Variants in GPI observed in about 807,000 individuals in gnomAD.
GPI encodes glucose-6-phosphate isomerase.
GPI carries 56 observed loss-of-function variants against 75.8 expected under a neutral mutation model. The ratio of observed to expected loss-of-function variants is 0.74; its 90% CI spans 0.60 to 0.92. The LOEUF (loss-of-function observed/expected upper bound fraction) is 0.92. Ranked by LOEUF, GPI falls within the 40% of genes least tolerant of loss-of-function variation. GPI has a pLI of 0.00. For missense variants in GPI, 638 were observed against 741.0 expected, an observed-to-expected ratio of 0.86 and a Z score of 1.61; for synonymous variants, 288 against 285.4, an observed-to-expected ratio of 1.01 and a Z score of -0.09.
At position 34,399,250 on chromosome 19, in the gene GPI, G is replaced by C. The variant is rs754628637; in HGVS notation, c.1313G>C (p.Arg438Thr). ...NFLAQTEALM[R>T]GKSTEEARKE... ...TTGGCCCAGACAGAGGCCCTGATGA[G>C]GGGAAAATCGACGGAGGAGGCCCGA... Residue 438 changes from arginine to threonine, a missense_variant, in exon 15 of 18, where the codon AGG becomes ACG. Arg to Thr is a moderately conservative substitution (Grantham distance 71). Coordinates refer to ENST00000356487, the MANE Select transcript of GPI (RefSeq NM_000175.5). 67 of 1,613,788 alleles carry C rather than the reference G, an allele frequency of 4.2e-5. No individual in the cohort carries two copies. The highest frequency in any genetic ancestry group is 5.6e-5 in the Non-Finnish European group (66 of 1,180,002).
chr19:34,379,439 T>A, intron 7 of GPI, 79 bp from the exon 8 acceptor site: 1 of 1,220,500 alleles, frequency 8.2e-7, no homozygotes, highest in Non-Finnish European at 1.2e-6. Context: ...ATGCAGGGCC[T>A]TGGTTCCTCT....
At chr19:34,390,398 G>T (rs2074803980) in intron 9 of GPI, among the ~76,000 whole-genome samples, 1 of 152,152 alleles carries the variant, frequency 6.6e-6, no homozygotes, top group Non-Finnish European at 1.5e-5. Context: ...AGACTGAGAA[G>T]GTGGGTCCTG....
Position 34,400,110 on chromosome 19 carries a change from C to A in GPI, c.*74C>A. The A allele has an allele frequency of 6.7e-7, 1 of 1,501,000 alleles. No homozygotes were observed. Among genetic ancestry groups the A allele is most frequent in the Non-Finnish European group, 9.2e-7 (1 of 1,091,326 alleles). The allele number at this position is 1,501,000 out of a possible 1,614,324, so 93.0% of individuals were successfully genotyped here. ...TCCCTCCTCCCCGGAGCCGGCACTG[C>A]ATGTTCCTGGACACCACCCAGAGCA... is the stretch of plus-strand genomic sequence containing the variant. On this transcript the variant is annotated 3_prime_UTR_variant, in exon 18 of 18. Coordinates refer to ENST00000356487, the MANE Select transcript of GPI (RefSeq NM_000175.5).
chr19:34,398,923 T>C lies in GPI; in HGVS notation c.1270-284T>C, dbSNP rs965933007. 7 of 296,328 alleles carry C rather than the reference T, an allele frequency of 2.4e-5. 1 individual carries two copies. The South Asian group carries it at 2.4e-4, about 10-fold the overall frequency. 18.4% of individuals were successfully genotyped at this position (296,328 alleles called of 1,614,324 possible). A position where few individuals can be genotyped will look rare whatever the true frequency, so the allele number is the denominator to read the frequency against. On this transcript the variant is annotated intron_variant, in intron 14 of 17. Transcript: ENST00000356487. The stretch of plus-strand genomic sequence containing the variant: ...GGTTTCACCATGTTGGTCAGGCTGG[T>C]CTCGAGCTCCTGACCTCGTGGTCCA...
intron 14 of GPI, chr19:34,397,765 C>T (rs1202811356): frequency 1.3e-5 from 2 of 151,456 alleles, no homozygotes; most frequent in Admixed American, 6.6e-5. Flanking sequence ...CCTCGGCCTC[C>T]CAAAGTTTTG....
chr19:34,378,553 T>G (rs2074587436), intron 6 of GPI, among the ~76,000 whole-genome samples: 1 of 152,098 alleles, frequency 6.6e-6, no homozygotes, highest in Non-Finnish European at 1.5e-5. Context: ...CATGCCCTGA[T>G]AATAGAGGGG....
chr19:34,378,643 T>C (rs1464291927), intron 6 of GPI, among the ~76,000 whole-genome samples: 1 of 152,236 alleles, frequency 6.6e-6, no homozygotes. Context: ...AATTCTGAGA[T>C]ACCTTCCAGC....
chr19:34,392,953 G>A (rs1253702542), intron 9 of GPI: 6 of 465,088 alleles, frequency 1.3e-5, no homozygotes, highest in Non-Finnish European at 2.4e-5. Flanking sequence ...GTGGGCCCTG[G>A]CACAGGTATG....
Position 34,379,000 on chromosome 19 carries a change from A to G in GPI, c.700A>G (p.Lys234Glu). 1 of 1,613,920 alleles carries G rather than the reference A, an allele frequency of 6.2e-7. No homozygotes were observed. Among genetic ancestry groups the G allele is most frequent in the Non-Finnish European group, 8.5e-7 (1 of 1,179,798 alleles). ...GAAGGAGTGGTTTCTCCAGGCGGCC[A>G]AGGATGTGAGTGGGCTATAGGGCCT... ...TAKEWFLQAA[K>E]DPSAVAKHFV... Residue 234 changes from lysine to glutamate, a missense_variant, in exon 7 of 18, where the codon AAG (lysine) becomes GAG (glutamate). Coordinates refer to ENST00000356487, the MANE Select transcript of GPI (RefSeq NM_000175.5).
At chr19:34,394,934 G>A (rs571082017) in intron 12 of GPI, among the ~76,000 whole-genome samples, 2 of 152,036 alleles carry the variant, frequency 1.3e-5, no homozygotes, top group South Asian at 4.2e-4. Context: ...GGCTGGTTTC[G>A]AACTCCTGGC....
intron 14 of GPI, among the ~76,000 whole-genome samples, chr19:34,397,087 A>G (rs1405154454): frequency 6.6e-6 from 1 of 152,058 alleles, no homozygotes; most frequent in African/African-American, 2.4e-5. Context: ...CTGGGATTAT[A>G]GGCATGAGCC....
At chr19:34,384,034 A>G (rs8191402) in intron 9 of GPI, among the ~76,000 whole-genome samples, 5 of 152,166 alleles carry the variant, frequency 3.3e-5, no homozygotes, top group Non-Finnish European at 7.4e-5. Flanking sequence ...CTGAGGAGCC[A>G]AGACTGTACT....
chr19:34,399,606 AC>A lies in GPI; in HGVS notation c.1451del (p.Pro484HisfsTer42). ...TNSIVFTKLT[P>X]FMLGALVAMY... Reference sequence around the variant, plus strand: ...ACTCTATTGTGTTCACCAAGCTCACACCATTCATGCTTGGAGCCTTGGTCGG... The same window carrying A: ...ACTCTATTGTGTTCACCAAGCTCACACATTCATGCTTGGAGCCTTGGTCGG... On this transcript the variant is annotated frameshift_variant, in exon 16 of 18. Transcript: ENST00000356487. LOFTEE classifies it high-confidence loss of function. 6.2e-7 allele frequency: 1 copy of A among 1,614,122 alleles called. No individual in the cohort carries two copies. The highest frequency in any genetic ancestry group is 2.2e-5 in the East Asian group (1 of 44,878).
At chr19:34,379,061 G>GT in intron 7 of GPI, 56 bp downstream of exon 7, 1 of 1,474,166 alleles carries the variant, frequency 6.8e-7, no homozygotes, top group Non-Finnish European at 9.5e-7. Context: ...GAAGAGCAGG[G>GT]TGGGCCCCTG....
At chr19:34,380,136 A>G (rs1279894265) in intron 8 of GPI, among the ~76,000 whole-genome samples, 1 of 150,676 alleles carries the variant, frequency 6.6e-6, no homozygotes, top group African/African-American at 2.4e-5. Flanking sequence ...AGCTGGGATT[A>G]CAGGTGCACG....
At chr19:34,399,104 C>T in intron 14 of GPI, 103 bp from the exon 15 acceptor site, 1 of 1,127,372 alleles carries the variant, frequency 8.9e-7, no homozygotes, top group Non-Finnish European at 1.3e-6. Context: ...CAGCGAGTGA[C>T]CCAGGCTGGG....
chr19:34,378,460 C>T (rs953952953), intron 6 of GPI, among the ~76,000 whole-genome samples: 17 of 151,938 alleles, frequency 1.1e-4, no homozygotes, highest in African/African-American at 3.6e-4. Context: ...GGTGATGCAC[C>T]CCCCCTTGGC....
At chr19:34,381,561 T>G (rs761245892) in intron 9 of GPI, 42 bp downstream of exon 9, 1 of 1,368,262 alleles carries the variant, frequency 7.3e-7, no homozygotes, top group Non-Finnish European at 1.0e-6. Flanking sequence ...TAAGTGTCCT[T>G]TGCCAAGTCA....
At chr19:34,361,417 G>A (rs2145302828), upstream of GPI, among the ~76,000 whole-genome samples, 1 of 152,206 alleles carries the variant, frequency 6.6e-6, no homozygotes, top group African/African-American at 2.4e-5. Context: ...TAACCTCTCT[G>A]TTAAATGGGG....
Sources: gnomAD v4.1 joint callset for allele counts (sites outside exome capture counted in the v4.1 genomes callset) on GRCh38, gnomAD v4.1.1 for gene constraint, MANE v1.5 for transcripts, NCBI Gene and HGNC (gene_info 2026-07-23, HGNC 2026-07-21) for gene names.